The following KCNU1 variants were observed in gnomAD, a reference collection of about 807,000 sequenced individuals.
The protein encoded by KCNU1 is potassium calcium-activated channel subfamily U member 1.
In KCNU1, 93 loss-of-function variants were observed where a neutral mutation model predicts 126.8. The observed-to-expected ratio is 0.73, with a 90% CI of 0.62 to 0.87. The LOEUF is 0.87. Ranked by LOEUF, KCNU1 falls within the 40% of genes least tolerant of loss-of-function variation. The pLI, the probability that KCNU1 is intolerant of heterozygous loss-of-function variation, is 0.00. For synonymous variants in KCNU1, 523 were observed against 494.2 expected (o/e 1.06, Z -0.77); for missense variants, 1,330 against 1,367.1 (o/e 0.97, Z 0.43).
At chr8:36,842,801 G>A (rs1805005291) in intron 16 of KCNU1, among the ~76,000 whole-genome samples, 1 of 152,182 alleles carries the variant, frequency 6.6e-6, no homozygotes, top group African/African-American at 2.4e-5. Flanking sequence ...CTCCTGAGTA[G>A]CTGAGATTAC....
In KCNU1 at chr8:36,935,783, A is replaced by ATAGCAT; in HGVS notation, c.3314_3319dup (p.Ala1106_Trp1107insLeuAla). Reference sequence around the variant, plus strand: ...TAACTCCCTCTCTTTTCCTAAGCAAATAGCATGGAATCAGAGTAGAACAAA... The same window carrying ATAGCAT: ...TAACTCCCTCTCTTTTCCTAAGCAAATAGCATTAGCATGGAATCAGAGTAGAACAAA... On this transcript the variant is annotated inframe_insertion, in exon 27 of 27. Coordinates refer to ENST00000399881, the MANE Select transcript of KCNU1 (RefSeq NM_001031836.3). The ATAGCAT allele has an allele frequency of 6.2e-7, 1 of 1,613,488 alleles. No individual in the cohort carries two copies. Among genetic ancestry groups the ATAGCAT allele is most frequent in the Non-Finnish European group, 8.5e-7 (1 of 1,179,562 alleles).
At chr8:36,801,713 C>T (rs1010497836) in intron 2 of KCNU1, among the ~76,000 whole-genome samples, 5 of 151,940 alleles carry the variant, frequency 3.3e-5, no homozygotes, top group African/African-American at 1.2e-4. Context: ...TCTCCACTCC[C>T]AACAACTTTT....
At chr8:36,846,304 T>C (rs1805142473) in intron 18 of KCNU1, among the ~76,000 whole-genome samples, 1 of 152,194 alleles carries the variant, frequency 6.6e-6, no homozygotes, top group Admixed American at 6.5e-5. Flanking sequence ...GGATGCTACC[T>C]CATGACCATA....
intron 19 of KCNU1, among the ~76,000 whole-genome samples, chr8:36,865,896 T>C (rs1805894709): frequency 6.6e-6 from 1 of 151,358 alleles, no homozygotes; most frequent in African/African-American, 2.4e-5. Context: ...ATGAACCTAA[T>C]GCACATTATG....
At chr8:36,904,520 A>G (rs1233519699) in intron 19 of KCNU1, among the ~76,000 whole-genome samples, 3 of 152,130 alleles carry the variant, frequency 2.0e-5, no homozygotes, top group Non-Finnish European at 4.4e-5. Context: ...TTTTATCCAT[A>G]AAATAAGGGT....
chr8:36,935,138 A>C (rs867164633), intron 26 of KCNU1, among the ~76,000 whole-genome samples: 7 of 152,116 alleles, frequency 4.6e-5, no homozygotes, highest in Non-Finnish European at 8.8e-5. Flanking sequence ...TTTAAAATCA[A>C]ATAGACCTGG....
chr8:36,830,208 T>C (rs1411445770), intron 10 of KCNU1, among the ~76,000 whole-genome samples: 1 of 151,194 alleles, frequency 6.6e-6, no homozygotes, highest in Admixed American at 6.6e-5. Context: ...AAATAAACTA[T>C]TTGTCTGAAA....
chr8:36,818,415 T>C (rs1172822094), intron 10 of KCNU1, among the ~76,000 whole-genome samples: 2 of 152,214 alleles, frequency 1.3e-5, no homozygotes, highest in Admixed American at 1.3e-4. Context: ...TATTGACTTT[T>C]CTACTCAATA....
chr8:36,901,690 C>T (rs2046063765), intron 19 of KCNU1, among the ~76,000 whole-genome samples: 1 of 152,270 alleles, frequency 6.6e-6, no homozygotes, highest in East Asian at 1.9e-4. Context: ...AGGTTCATTG[C>T]TTCCTGGATG....
At chr8:36,842,975 G>A (rs758074681) in intron 16 of KCNU1, among the ~76,000 whole-genome samples, 5 of 152,220 alleles carry the variant, frequency 3.3e-5, no homozygotes, top group Non-Finnish European at 7.4e-5. Flanking sequence ...GTTTGCATAA[G>A]TTTTAAAGAC....
chr8:36,887,452 G>GTTTTTTTT (rs138240609), intron 19 of KCNU1, among the ~76,000 whole-genome samples: 1 of 99,288 alleles, frequency 1.0e-5, no homozygotes, highest in Non-Finnish European at 2.2e-5. Context: ...GTTTTTTTTT[G>GTTTTTTTT]TTTTTTTTTT....
chr8:36,928,755 T>A, intron 24 of KCNU1: 1 of 446,422 alleles, frequency 2.2e-6, no homozygotes, highest in Non-Finnish European at 4.0e-6. Flanking sequence ...ACTGAGGATA[T>A]GAGTCTTATG....
intron 22 of KCNU1, among the ~76,000 whole-genome samples, chr8:36,913,600 ATTT>A (rs11331239): frequency 5.4e-5 from 7 of 128,988 alleles, no homozygotes; most frequent in Non-Finnish European, 3.3e-5. Flanking sequence ...GTGAGGTCAC[ATTT>A]TTTTTTTTTT....
At chr8:36,934,863 C>T (rs1235023278) in intron 26 of KCNU1, among the ~76,000 whole-genome samples, 1 of 152,110 alleles carries the variant, frequency 6.6e-6, no homozygotes, top group East Asian at 1.9e-4. Flanking sequence ...GTACCTGATG[C>T]TGTGTTAACA....
intron 7 of KCNU1, among the ~76,000 whole-genome samples, chr8:36,809,662 A>G (rs1803636837): frequency 6.6e-6 from 1 of 152,180 alleles, no homozygotes; most frequent in Admixed American, 6.5e-5. Context: ...GTAAAGGCTG[A>G]TTCCTAGATT....
At chr8:36,876,047 T>C (rs533048166) in intron 19 of KCNU1, among the ~76,000 whole-genome samples, 15 of 152,138 alleles carry the variant, frequency 9.9e-5, no homozygotes, top group Non-Finnish European at 2.1e-4. Flanking sequence ...AAAGACAATT[T>C]GAAGGGATTT....
chr8:36,791,312 G>A (rs1181271694), intron 2 of KCNU1, among the ~76,000 whole-genome samples: 2 of 152,072 alleles, frequency 1.3e-5, no homozygotes, highest in South Asian at 2.1e-4. Context: ...ATTTTGTGTG[G>A]TTGTTAATTA....
At chr8:36,932,776 G>T (rs970036847) in intron 25 of KCNU1, 144 bp from the exon 26 acceptor site, 14 of 607,300 alleles carry the variant, frequency 2.3e-5, no homozygotes, top group South Asian at 4.0e-5. Flanking sequence ...ATTACCTATC[G>T]CCCTGGCAGT....
intron 23 of KCNU1, 30 bp from the exon 24 acceptor site, chr8:36,922,460 T>C: frequency 6.2e-7 from 1 of 1,602,092 alleles, no homozygotes. Flanking sequence ...CTGATCTGCT[T>C]GTCTTTCCTT....
Sources: allele counts gnomAD v4.1 joint callset (sites outside exome capture counted in the v4.1 genomes callset), GRCh38; gene constraint gnomAD v4.1.1; transcripts MANE v1.5; gene names NCBI Gene and HGNC (gene_info 2026-07-23, HGNC 2026-07-21).